RPSA2: variants seen among roughly 807,000 people sequenced by gnomAD.
The protein encoded by RPSA2 is small ribosomal subunit protein uS2B.
At chr19:23,859,887 A>T in the RPSA2 span, among the ~76,000 whole-genome samples, 1 of 152,222 alleles carries the variant, frequency 6.6e-6, no homozygotes, top group East Asian at 1.9e-4. Flanking sequence ...AGGGAAGATT[A>T]AACATTGTCT....
At chr19:23,762,323 T>A in the RPSA2 span, among the ~76,000 whole-genome samples, 2 of 151,906 alleles carry the variant, frequency 1.3e-5, no homozygotes, top group Non-Finnish European at 2.9e-5. Flanking sequence ...TACGGCATGG[T>A]GAGAGAGGCG....
the RPSA2 span, among the ~76,000 whole-genome samples, chr19:23,802,058 A>G: frequency 1.3e-5 from 2 of 152,218 alleles, no homozygotes; most frequent in South Asian, 4.1e-4. Context: ...GCCAGACTTT[A>G]GATTGAGAAT....
the RPSA2 span, among the ~76,000 whole-genome samples, chr19:23,783,915 C>A: frequency 6.6e-6 from 1 of 152,142 alleles, no homozygotes; most frequent in Non-Finnish European, 1.5e-5. Flanking sequence ...GTCCTGCTTT[C>A]AGGAGAGGAT....
the RPSA2 span, among the ~76,000 whole-genome samples, chr19:23,833,993 CAA>C: frequency 1.3e-5 from 2 of 151,796 alleles, no homozygotes; most frequent in Non-Finnish European, 2.9e-5. Flanking sequence ...TATAAAACAC[CAA>C]AGAGTTTATA....
chr19:23,863,423 G>A, the RPSA2 span, among the ~76,000 whole-genome samples: 1 of 152,002 alleles, frequency 6.6e-6, no homozygotes, highest in African/African-American at 2.4e-5. Flanking sequence ...AATTAGCCAG[G>A]CATCGTGATA....
At chr19:23,779,097 C>G in the RPSA2 span, among the ~76,000 whole-genome samples, 1 of 142,308 alleles carries the variant, frequency 7.0e-6, no homozygotes, top group Non-Finnish European at 1.5e-5. Context: ...GCCTCCTGGG[C>G]TCATGCCATT....
chr19:23,858,481 A>T, the RPSA2 span, among the ~76,000 whole-genome samples: 1 of 152,236 alleles, frequency 6.6e-6, no homozygotes, highest in Non-Finnish European at 1.5e-5. Flanking sequence ...GTTTCCCATG[A>T]CATTAACTGT....
At chr19:23,856,915 C>A in the RPSA2 span, among the ~76,000 whole-genome samples, 76 of 152,070 alleles carry the variant, frequency 5.0e-4, 1 homozygote, top group Non-Finnish European at 1.8e-4. Flanking sequence ...CAGCGGTGCA[C>A]GTATTGTCTT....
At chr19:23,789,948 T>G in the RPSA2 span, among the ~76,000 whole-genome samples, 4 of 152,088 alleles carry the variant, frequency 2.6e-5, no homozygotes, top group Admixed American at 1.3e-4. Flanking sequence ...AAAGTGCTGG[T>G]ATTACAGGCA....
At chr19:23,841,338 C>T in the RPSA2 span, among the ~76,000 whole-genome samples, 8 of 151,992 alleles carry the variant, frequency 5.3e-5, no homozygotes, top group Non-Finnish European at 1.2e-4. Flanking sequence ...GTGGTGGGCA[C>T]CTGTAGTCCC....
At chr19:23,843,279 C>T in the RPSA2 span, 22 of 186,594 alleles carry the variant, frequency 1.2e-4, no homozygotes, top group Admixed American at 3.9e-4. Flanking sequence ...TACTCTGGCA[C>T]GTAAGCATGA....
At chr19:23,866,755 G>C in the RPSA2 span, among the ~76,000 whole-genome samples, 1 of 152,142 alleles carries the variant, frequency 6.6e-6, no homozygotes, top group East Asian at 1.9e-4. Context: ...AGGAACACCA[G>C]GAAGTGCAGG....
the RPSA2 span, among the ~76,000 whole-genome samples, chr19:23,859,354 T>C: frequency 1.3e-3 from 191 of 152,142 alleles, 1 homozygote; most frequent in African/African-American, 4.3e-3. Context: ...CCAGGCTGGG[T>C]GCGATGCCTC....
At chr19:23,778,210 G>A in the RPSA2 span, among the ~76,000 whole-genome samples, 1 of 152,068 alleles carries the variant, frequency 6.6e-6, no homozygotes, top group African/African-American at 2.4e-5. Flanking sequence ...ACTTTCCTTT[G>A]TGGGTTTTTT....
At chr19:23,810,839 C>G in the RPSA2 span, among the ~76,000 whole-genome samples, 2 of 152,226 alleles carry the variant, frequency 1.3e-5, no homozygotes, top group South Asian at 4.1e-4. Context: ...AGAATTCTCA[C>G]TGGAACCAAG....
the RPSA2 span, among the ~76,000 whole-genome samples, chr19:23,762,060 G>T: frequency 6.6e-6 from 1 of 151,150 alleles, no homozygotes. Flanking sequence ...TGGGATTATA[G>T]GCGTGCGCCA....
the RPSA2 span, among the ~76,000 whole-genome samples, chr19:23,766,882 C>G: frequency 6.6e-6 from 1 of 152,132 alleles, no homozygotes; most frequent in Non-Finnish European, 1.5e-5. Context: ...CCTCAGCGTC[C>G]TGAGTAGCTG....
the RPSA2 span, among the ~76,000 whole-genome samples, chr19:23,761,933 T>TCCTTCCTTCCTTCCTTCCTTCCTTCC: frequency 4.8e-5 from 2 of 42,004 alleles, no homozygotes; most frequent in African/African-American, 1.4e-4. Context: ...TTTTTTTTTT[T>TCCTTCCTTCCTTCCTTCCTTCCTTCC]TTGAGATGGA....
the RPSA2 span, among the ~76,000 whole-genome samples, chr19:23,867,804 T>A: frequency 4.4e-5 from 6 of 135,752 alleles, no homozygotes; most frequent in Non-Finnish European, 9.1e-5. Flanking sequence ...CACTCCAGCC[T>A]GGGCGACAGA....
Sources: allele counts gnomAD v4.1 joint callset (sites outside exome capture counted in the v4.1 genomes callset), GRCh38; gene constraint gnomAD v4.1.1; transcripts MANE v1.5; gene names NCBI Gene and HGNC (gene_info 2026-07-23, HGNC 2026-07-21).